ALX1: variants seen among roughly 807,000 people sequenced by gnomAD.
The protein encoded by ALX1 is ALX homeobox 1.
A neutral mutation model predicts 31.7 loss-of-function variants in ALX1; 19 were observed. The ratio of observed to expected loss-of-function variants is 0.60; its 90% confidence interval spans 0.42 to 0.88. The LOEUF is 0.88. ALX1 is among the 40% of genes least tolerant of loss of function. The pLI is 0.00. For synonymous variants in ALX1, 153 were observed against 148.8 expected, an observed-to-expected ratio of 1.03 and a Z score of -0.20; for missense variants, 415 against 407.8, an observed-to-expected ratio of 1.02 and a Z score of -0.15.
At chr12:85,281,389 A>G (rs1896671145) in intron 1 of ALX1, among the ~76,000 whole-genome samples, 1 of 152,210 alleles carries the variant, frequency 6.6e-6, no homozygotes, top group African/African-American at 2.4e-5. Flanking sequence ...CACGTTTACA[A>G]TTCCAAGAGA....
intron 3 of ALX1, among the ~76,000 whole-genome samples, chr12:85,295,347 A>G (rs1430602747): frequency 6.6e-6 from 1 of 151,522 alleles, no homozygotes; most frequent in Non-Finnish European, 1.5e-5. Context: ...ATATTTTGTC[A>G]TGTAAATGTT....
chr12:85,294,726 G>A (rs746594273), intron 3 of ALX1, among the ~76,000 whole-genome samples: 15 of 150,356 alleles, frequency 1.0e-4, no homozygotes, highest in Non-Finnish European at 1.9e-4. Flanking sequence ...TTATTTTTCT[G>A]CTAAGCAGTT....
At chr12:85,285,073 C>T (rs1007765876) in intron 2 of ALX1, among the ~76,000 whole-genome samples, 2 of 151,990 alleles carry the variant, frequency 1.3e-5, no homozygotes, top group Non-Finnish European at 2.9e-5. Flanking sequence ...TTAGAATTGT[C>T]GAGTATTAAC....
rs769088038 is a variant in ALX1, at chr12:85,283,820, G to A, written c.475G>A (p.Val159Met). 1.3e-5 allele frequency: 21 copies of A among 1,614,000 alleles called. No individual in the cohort carries two copies. In the Admixed American group the frequency reaches 3.5e-4, roughly 27 times the overall value. The change falls in exon 2 of 4, where the codon GTG (valine) becomes ATG (methionine). Residue 159 changes from valine (V) to methionine (M), a missense_variant. Physicochemically the swap from Val to Met is conservative, Grantham distance 21. Around this residue, in one of 3 missense-constraint regions of ALX1, gnomAD observed 235 missense variants for 208.9 expected, o/e 1.13. Coordinates refer to ENST00000316824, the MANE Select transcript of ALX1 (RefSeq NM_006982.3). ...CTTTCAGAAAACTCATTACCCGGAT[G>A]TGTATGTCAGAGAACAGCTTGCTCT... ...KVFQKTHYPD[V>M]YVREQLALRT... is the part of the protein sequence containing the mutation.
chr12:85,296,304 ATGTT>A (rs1215043460), intron 3 of ALX1, among the ~76,000 whole-genome samples: 5 of 151,604 alleles, frequency 3.3e-5, no homozygotes, highest in African/African-American at 1.2e-4. Flanking sequence ...CTTAGTATTT[ATGTT>A]TATGTTAATA....
Position 85,283,811 on chromosome 12 carries a change from T to C in ALX1, c.466T>C (p.Tyr156His). 6.2e-7 allele frequency: 1 copy of C among 1,614,086 alleles called. No individual in the cohort carries two copies. ...ELEKVFQKTH[Y>H]PDVYVREQLA... ...GGAGAAAGTCTTTCAGAAAACTCAT[T>C]ACCCGGATGTGTATGTCAGAGAACA... is the stretch of plus-strand genomic sequence containing the variant. Residue 156 changes from tyrosine to histidine, a missense_variant, in exon 2 of 4, where the codon TAC (tyrosine) becomes CAC (histidine). Coordinates refer to ENST00000316824, the MANE Select transcript of ALX1 (RefSeq NM_006982.3).
At chr12:85,300,307 C>T (rs1419088158) in intron 3 of ALX1, among the ~76,000 whole-genome samples, 8 of 151,890 alleles carry the variant, frequency 5.3e-5, no homozygotes, top group South Asian at 2.1e-4. Context: ...TTTAATAATA[C>T]GAAGTGTGAA....
At chr12:85,301,127 G>A in intron 3 of ALX1, 28 bp from the exon 4 acceptor site, 1 of 1,610,656 alleles carries the variant, frequency 6.2e-7, no homozygotes, top group East Asian at 2.2e-5. Context: ...ACATGTAAAT[G>A]TAATATTTGT....
In ALX1 at chr12:85,301,214, G is replaced by T; in HGVS notation, c.720G>T (p.Met240Ile). The T allele has an allele frequency of 6.2e-7, 1 of 1,614,044 alleles. No homozygotes were observed. Among genetic ancestry groups the T allele is most frequent in the East Asian group, 2.2e-5 (1 of 44,874 alleles). Residue 240 changes from methionine (M) to isoleucine (I), a missense_variant, in exon 4 of 4, where the codon ATG becomes ATT. Transcript: ENST00000316824. Reference sequence around the variant, plus strand: ...GTGGTTCTGTGGTTACTTCATGCATGTTACCACGTGACACTTCCTCCTGTA... The same window carrying T: ...GTGGTTCTGTGGTTACTTCATGCATTTTACCACGTGACACTTCCTCCTGTA... ...ASGGSVVTSC[M>I]LPRDTSSCMT...
At chr12:85,297,152 T>G (rs536808847) in intron 3 of ALX1, among the ~76,000 whole-genome samples, 1 of 151,782 alleles carries the variant, frequency 6.6e-6, no homozygotes, top group Admixed American at 6.6e-5. Flanking sequence ...TAGTCAACCC[T>G]TAGCTCAAAT....
At position 85,283,686 on chromosome 12, in the gene ALX1, G is replaced by C. The variant is rs374720581; in HGVS notation, c.341G>C (p.Gly114Ala). 2 of 1,614,164 alleles carry C rather than the reference G, an allele frequency of 1.2e-6. No individual in the cohort carries two copies. Among genetic ancestry groups the C allele is most frequent in the African/African-American group, 2.7e-5 (2 of 75,030 alleles). Residue 114 changes from glycine to alanine, a missense_variant, in exon 2 of 4, where the codon GGA becomes GCA. Gly to Ala is a moderately conservative substitution (Grantham distance 60). Coordinates refer to ENST00000316824, the MANE Select transcript of ALX1 (RefSeq NM_006982.3). ...MSPVKGMQEK[G>A]ELDELGDKCD... ...CCCGTGAAAGGGATGCAAGAGAAGG[G>C]AGAGCTGGATGAACTTGGGGATAAA...
At chr12:85,296,231 T>G (rs1896885627) in intron 3 of ALX1, among the ~76,000 whole-genome samples, 1 of 151,562 alleles carries the variant, frequency 6.6e-6, no homozygotes, top group African/African-American at 2.4e-5. Context: ...ATAAATAATT[T>G]TCTACCCATA....
At chr12:85,287,130 T>G (rs1459533723) in intron 3 of ALX1, 149 bp downstream of exon 3, 4 of 923,832 alleles carry the variant, frequency 4.3e-6, no homozygotes, top group Non-Finnish European at 4.7e-6. Context: ...TCTGCTAAGT[T>G]TTAATTTTTC....
chr12:85,299,658 TTC>T (rs1896936805), intron 3 of ALX1, among the ~76,000 whole-genome samples: 1 of 151,876 alleles, frequency 6.6e-6, no homozygotes, highest in Non-Finnish European at 1.5e-5. Context: ...ATTAAGGTTT[TTC>T]TCTTACGTTT....
At chr12:85,300,081 C>A (rs1360992782) in intron 3 of ALX1, among the ~76,000 whole-genome samples, 1 of 151,864 alleles carries the variant, frequency 6.6e-6, no homozygotes, top group Non-Finnish European at 1.5e-5. Context: ...TTTTACCTTC[C>A]CCAGCTCCTG....
rs1565939216 is a variant in ALX1, at chr12:85,280,349, C to T, written c.88C>T (p.His30Tyr). ...FYMGAGGPLEHVMETLDNESF... is the reference protein window; with the variant it reads ...FYMGAGGPLEYVMETLDNESF... ...CATGGGCGCAGGAGGTCCTCTGGAG[C>T]ACGTTATGGAGACGCTGGACAATGA... The change falls in exon 1 of 4, where the codon CAC (histidine) becomes TAC (tyrosine). Residue 30 changes from histidine (H) to tyrosine (Y), a missense_variant. Physicochemically the swap from His to Tyr is moderately conservative, Grantham distance 83 (BLOSUM62 2). Transcript: ENST00000316824. 3 of 1,613,920 alleles carry T rather than the reference C, an allele frequency of 1.9e-6. No individual in the cohort carries two copies. In the East Asian group the frequency reaches 6.7e-5, roughly 36 times the overall value.
At chr12:85,289,790 CT>C (rs1896794356) in intron 3 of ALX1, among the ~76,000 whole-genome samples, 1 of 151,104 alleles carries the variant, frequency 6.6e-6, no homozygotes, top group Non-Finnish European at 1.5e-5. Context: ...ATACAAGATA[CT>C]TTTTTAGTTT....
intron 3 of ALX1, among the ~76,000 whole-genome samples, chr12:85,293,314 T>A (rs1195790793): frequency 6.7e-6 from 1 of 150,316 alleles, no homozygotes; most frequent in African/African-American, 2.4e-5. Context: ...TTTGTCAGTA[T>A]CATTAGGTGA....
At position 85,301,074 on chromosome 12, in the gene ALX1, T is replaced by G. The variant is rs980295987; in HGVS notation, c.661-81T>G. ...GCAAACAATGAATAGTTAACCAAATTTAGTAAATACAACTTAACAAAAGTA... is the reference window on the plus strand; with the variant it reads ...GCAAACAATGAATAGTTAACCAAATGTAGTAAATACAACTTAACAAAAGTA... On this transcript the variant is annotated intron_variant, in intron 3 of 3. Transcript: ENST00000316824. 56 of 1,522,254 alleles carry G rather than the reference T, an allele frequency of 3.7e-5. 2 individuals are homozygous for G. Among genetic ancestry groups the G allele is most frequent in the Non-Finnish European group, 9.1e-7 (1 of 1,101,362 alleles). 94.3% of individuals were successfully genotyped at this position (1,522,254 alleles called of 1,614,324 possible). A position where few individuals can be genotyped will look rare whatever the true frequency, so the allele number is the denominator to read the frequency against.
Sources: allele counts gnomAD v4.1 joint callset (sites outside exome capture counted in the v4.1 genomes callset), GRCh38; gene constraint gnomAD v4.1.1; regional missense constraint gnomAD v4.1.1; transcripts MANE v1.5; gene names NCBI Gene and HGNC (gene_info 2026-07-23, HGNC 2026-07-21).